Variants in NEURL4 observed in about 807,000 individuals in gnomAD.
The protein encoded by NEURL4 is neuralized E3 ubiquitin protein ligase 4, also known as neuralized-like protein 4.
Under a neutral mutation model 148.0 loss-of-function variants are expected in NEURL4, and 45 were observed. The observed-to-expected ratio is 0.30, with a 90% CI of 0.24 to 0.39. The LOEUF (loss-of-function observed/expected upper bound fraction) is 0.39. Ranked by LOEUF, NEURL4 falls within the 10% of genes least tolerant of loss-of-function variation. The pLI is 1.00. For missense variants in NEURL4, 1,776 were observed against 2,144.0 expected, an observed-to-expected ratio of 0.83 and a Z score of 3.39; for synonymous variants, 854 against 869.0, an observed-to-expected ratio of 0.98 and a Z score of 0.30.
chr17:7,323,815 G>A lies in NEURL4; in HGVS notation c.2260C>T (p.Arg754Trp), dbSNP rs1218130820. Residue 754 changes from arginine to tryptophan, a missense_variant and splice_region_variant, in exon 12 of 29, where the codon CGG (arginine) becomes TGG (tryptophan). By Grantham distance (101) the Arg-to-Trp change is moderately radical (BLOSUM62 -3). Coordinates refer to ENST00000399464, the MANE Select transcript of NEURL4 (RefSeq NM_032442.3). ...EFNDAIVISN[R>W]ALRDGELFEI... ...GGACATGAAAGTTGAGAGACTGACC[G>A]GTTGGAGATGACGATGGCGTCATTA... is the stretch of plus-strand genomic sequence containing the variant. The A allele has an allele frequency of 7.4e-6, 12 of 1,614,018 alleles. No homozygotes were observed. Among genetic ancestry groups the A allele is most frequent in the East Asian group, 2.2e-5 (1 of 44,894 alleles).
intron 7 of NEURL4, 33 bp from the exon 8 acceptor site, chr17:7,325,506 G>A: frequency 3.1e-6 from 5 of 1,605,102 alleles, no homozygotes; most frequent in Non-Finnish European, 4.2e-6. Context: ...TGTGGGAGTG[G>A]ACAGGGAGAA....
rs1389144279 is a variant in NEURL4 at position 7,327,538 on chromosome 17, C to A, written c.629G>T (p.Gly210Val). Residue 210 changes from glycine (G) to valine (V), a missense_variant, in exon 2 of 29, where the codon GGC (glycine) becomes GTC (valine). Coordinates refer to ENST00000399464, the MANE Select transcript of NEURL4 (RefSeq NM_032442.3). This position sits in a 1 kb window ranked among gnomAD's most constrained non-coding sequence, Gnocchi z 6.6. ...GGGGATGGGAGTAGGGGGGCTGAAGCCTGGCTCAGGGGGTAGCACGGTGAT... is the reference window on the plus strand; with the variant it reads ...GGGGATGGGAGTAGGGGGGCTGAAGACTGGCTCAGGGGGTAGCACGGTGAT... ...TQITVLPPEP[G>V]FSPPTPIPTP... 6.2e-7 allele frequency: 1 copy of A among 1,608,772 alleles called. No homozygotes were observed. Among genetic ancestry groups the A allele is most frequent in the South Asian group, 1.1e-5 (1 of 90,624 alleles).
Position 7,329,304 on chromosome 17 carries a change from T to C in NEURL4, c.9A>G (p.Ala3=). 1 of 1,254,464 alleles carries C rather than the reference T, an allele frequency of 8.0e-7. No individual in the cohort carries two copies. The highest frequency in any genetic ancestry group is 1.0e-6 in the Non-Finnish European group (1 of 1,000,422). The allele number at this position is 1,254,464 out of a possible 1,614,324, so 77.7% of individuals were successfully genotyped here. Reference sequence around the variant, plus strand: ...CAGAGCCCCCACTCCCACCCGACCCTGCCGCCATCTCCGCTGACACCGGGG... The same window carrying C: ...CAGAGCCCCCACTCCCACCCGACCCCGCCGCCATCTCCGCTGACACCGGGG... MA[A]GSGGSGGSGG... The change falls in exon 1 of 29, where the codon GCA becomes GCG. Residue 3 remains alanine (A), a synonymous_variant. Transcript: ENST00000399464.
Position 7,323,669 on chromosome 17 carries a change from G to A in NEURL4, c.2316C>T (p.Arg772=), listed in dbSNP as rs754633820. The change falls in exon 13 of 29, where the codon CGC becomes CGT. Residue 772 remains arginine, a synonymous_variant. Transcript: ENST00000399464. ...FEIVIQKMVD[R]WSGSIEAGVT... ...CACCAGCCTCAATGGAGCCTGACCA[G>A]CGGTCCACCATCTTCTGAATGACAA... 1.2e-6 allele frequency: 2 copies of A among 1,613,676 alleles called. No homozygotes were observed. Among genetic ancestry groups the A allele is most frequent in the South Asian group, 1.1e-5 (1 of 91,044 alleles).
At chr17:7,320,065 C>T (rs1388274632) in intron 21 of NEURL4, among the ~76,000 whole-genome samples, 2 of 151,846 alleles carry the variant, frequency 1.3e-5, no homozygotes, top group Non-Finnish European at 2.9e-5. Flanking sequence ...CTCCTGATCT[C>T]GTGATCTGCC....
Position 7,329,301 on chromosome 17 carries a change from C to T in NEURL4, c.12G>A (p.Gly4=), listed in dbSNP as rs55671016. ...CCCCAGAGCCCCCACTCCCACCCGA[C>T]CCTGCCGCCATCTCCGCTGACACCG... MAA[G]SGGSGGSGGG... The change falls in exon 1 of 29, where the codon GGG becomes GGA. Residue 4 remains glycine, a synonymous_variant. Coordinates refer to ENST00000399464, the MANE Select transcript of NEURL4 (RefSeq NM_032442.3). 430 of 1,403,180 alleles carry T rather than the reference C, an allele frequency of 3.1e-4. No individual in the cohort carries two copies. The African/African-American group carries it at 5.0e-3, about 16-fold the overall frequency. 86.9% of individuals were successfully genotyped at this position (1,403,180 alleles called of 1,614,324 possible). A position where few individuals can be genotyped will look rare whatever the true frequency, so the allele number is the denominator to read the frequency against.
rs764701441 is a variant in NEURL4 at position 7,322,730 on chromosome 17, C to T, written c.2725+5G>A. ...GCCCGTCCAGCCCCCGCCCTGCTGC[C>T]GCACCTGGGGAGTGCAGTGGGAAGG... On this transcript the variant is annotated splice_donor_5th_base_variant and intron_variant, in intron 16 of 28. Transcript: ENST00000399464. The surrounding 1 kb of genome is among the most constrained non-coding windows in gnomAD (Gnocchi z 5.5). 1.5e-5 allele frequency: 24 copies of T among 1,610,066 alleles called. No homozygotes were observed. The East Asian group carries it at 2.5e-4, about 16-fold the overall frequency.
chr17:7,324,898 T>C lies in NEURL4; in HGVS notation c.1714A>G (p.Lys572Glu). 1 of 1,614,182 alleles carries C rather than the reference T, an allele frequency of 6.2e-7. No homozygotes were observed. The highest frequency in any genetic ancestry group is 8.5e-7 in the Non-Finnish European group (1 of 1,180,022). The change falls in exon 9 of 29, where the codon AAG becomes GAG. Residue 572 changes from lysine to glutamate, a missense_variant. Lys to Glu is a moderately conservative substitution (Grantham distance 56, BLOSUM62 1). Transcript: ENST00000399464. This position sits in a 1 kb window ranked among gnomAD's most constrained non-coding sequence, Gnocchi z 5.9. Reference sequence around the variant, plus strand: ...GAGCCAGCCCATTTGTCCACCATCTTGTCGATGCGCACCTGGAACACCTCT... The same window carrying C: ...GAGCCAGCCCATTTGTCCACCATCTCGTCGATGCGCACCTGGAACACCTCT... ...DGEVFQVRID[K>E]MVDKWAGSIE...
chr17:7,326,698 G>A lies in NEURL4; in HGVS notation c.1092+13C>T. On this transcript the variant is annotated intron_variant, in intron 4 of 28. Coordinates refer to ENST00000399464, the MANE Select transcript of NEURL4 (RefSeq NM_032442.3). The surrounding 1 kb of genome is among the most constrained non-coding windows in gnomAD (Gnocchi z 6.0). ...GGGATAAGGCGCCAACCAGACCACAGGACTTTGCACACCTCAAACATCTCA... is the reference window on the plus strand; with the variant it reads ...GGGATAAGGCGCCAACCAGACCACAAGACTTTGCACACCTCAAACATCTCA... The A allele has an allele frequency of 6.2e-7, 1 of 1,608,846 alleles. No individual in the cohort carries two copies. Among genetic ancestry groups the A allele is most frequent in the Non-Finnish European group, 8.5e-7 (1 of 1,177,912 alleles).
chr17:7,327,550 G>T lies in NEURL4; in HGVS notation c.617C>A (p.Pro206His). 6.2e-7 allele frequency: 1 copy of T among 1,610,434 alleles called. No individual in the cohort carries two copies. The highest frequency in any genetic ancestry group is 1.7e-5 in the Admixed American group (1 of 59,892). Residue 206 changes from proline to histidine, a missense_variant, in exon 2 of 29, where the codon CCC becomes CAC. By Grantham distance (77) the Pro-to-His change is moderately conservative (BLOSUM62 -2). Transcript: ENST00000399464. This position sits in a 1 kb window ranked among gnomAD's most constrained non-coding sequence, Gnocchi z 6.6. ...YGKCTQITVLPPEPGFSPPTP... is the reference protein window; with the variant it reads ...YGKCTQITVLHPEPGFSPPTP... ...AGGGGGGCTGAAGCCTGGCTCAGGG[G>T]GTAGCACGGTGATCTGGGTGCACTT...
In NEURL4 at chr17:7,317,271, G is replaced by A; in HGVS notation, c.4418C>T (p.Pro1473Leu). 2 of 1,525,100 alleles carry A rather than the reference G, an allele frequency of 1.3e-6. No individual in the cohort carries two copies. The highest frequency in any genetic ancestry group is 1.8e-6 in the Non-Finnish European group (2 of 1,138,138). The allele number at this position is 1,525,100 out of a possible 1,614,324, so 94.5% of individuals were successfully genotyped here. Residue 1473 changes from proline (P) to leucine (L), a missense_variant, in exon 28 of 29, where the codon CCC becomes CTC. By Grantham distance (98) the Pro-to-Leu change is moderately conservative. Coordinates refer to ENST00000399464, the MANE Select transcript of NEURL4 (RefSeq NM_032442.3). ...GGAGGGGGAAAGCAGCACAGGAGGG[G>A]GCTGCTCCTCCCGAGGAGGTGCACA... is the stretch of plus-strand genomic sequence containing the variant. ...ENCAPPREEQPPPVLLSPSLQ... is the reference protein window; with the variant it reads ...ENCAPPREEQLPPVLLSPSLQ...
chr17:7,325,147 C>CG, intron 8 of NEURL4, 62 bp downstream of exon 8: 1 of 426,898 alleles, frequency 2.3e-6, no homozygotes, highest in Non-Finnish European at 4.2e-6. Context: ...ACTTCCTTGC[C>CG]CCGCCCCCCC....
Position 7,327,243 on chromosome 17 carries a change from T to C in NEURL4, c.728-13A>G. ...GACACCATGAAGGCTGGGGACCAGG[T>C]GGGATGGGAGGGGAATAAGGGTTCA... On this transcript the variant is annotated splice_polypyrimidine_tract_variant and intron_variant, in intron 2 of 28. Coordinates refer to ENST00000399464, the MANE Select transcript of NEURL4 (RefSeq NM_032442.3). The surrounding 1 kb of genome is among the most constrained non-coding windows in gnomAD (Gnocchi z 6.6). 1 of 1,602,880 alleles carries C rather than the reference T, an allele frequency of 6.2e-7. No homozygotes were observed. The highest frequency in any genetic ancestry group is 8.5e-7 in the Non-Finnish European group (1 of 1,175,786).
chr17:7,324,326 G>A lies in NEURL4; in HGVS notation c.1900-56C>T, dbSNP rs1314433292. ...TCAGGCAGAGTTCCTGCCGGGGCTG[G>A]TCCTGCATCAGCCCCGCGGTGTTTG... On this transcript the variant is annotated intron_variant, in intron 10 of 28. Coordinates refer to ENST00000399464, the MANE Select transcript of NEURL4 (RefSeq NM_032442.3). This position sits in a 1 kb window ranked among gnomAD's most constrained non-coding sequence, Gnocchi z 5.9. 2 of 1,613,588 alleles carry A rather than the reference G, an allele frequency of 1.2e-6. No individual in the cohort carries two copies. Among genetic ancestry groups the A allele is most frequent in the Non-Finnish European group, 1.7e-6 (2 of 1,179,708 alleles).
Position 7,325,202 on chromosome 17 carries a change from G to A in NEURL4, c.1631+7C>T. On this transcript the variant is annotated splice_region_variant and intron_variant, in intron 8 of 28. Coordinates refer to ENST00000399464, the MANE Select transcript of NEURL4 (RefSeq NM_032442.3). ...CTTCAGGCTTCTCCCCACCCCATGG[G>A]CCATACTGGGGCCTCAGGGCAGTGC... is the stretch of plus-strand genomic sequence containing the variant. 1.4e-6 allele frequency: 2 copies of A among 1,401,156 alleles called. No individual in the cohort carries two copies. The highest frequency in any genetic ancestry group is 1.2e-5 in the South Asian group (1 of 85,318). The allele number at this position is 1,401,156 out of a possible 1,614,324, so 86.8% of individuals were successfully genotyped here.
intron 28 of NEURL4, among the ~76,000 whole-genome samples, chr17:7,316,644 T>C (rs1403336331): frequency 3.9e-5 from 6 of 152,146 alleles, no homozygotes; most frequent in Admixed American, 1.3e-4. Context: ...TACTAAATAC[T>C]GGCGGGGCGC....
Position 7,319,078 on chromosome 17 carries a change from C to T in NEURL4, c.3656G>A (p.Gly1219Asp). 6.2e-7 allele frequency: 1 copy of T among 1,613,684 alleles called. No individual in the cohort carries two copies. The highest frequency in any genetic ancestry group is 8.5e-7 in the Non-Finnish European group (1 of 1,179,820). ...ALKRAAWLLR[G>D]RGVFHNGLKI... is the part of the protein sequence containing the mutation. ...GAGACCGTTGTGGAAGACCCCACGG[C>T]CCCGCAGCAGCCAGGCTGCCCGTTT... is the stretch of plus-strand genomic sequence containing the variant. Residue 1219 changes from glycine (G) to aspartate (D), a missense_variant, in exon 22 of 29, where the codon GGC becomes GAC. Gly to Asp is a moderately conservative substitution (Grantham distance 94). Coordinates refer to ENST00000399464, the MANE Select transcript of NEURL4 (RefSeq NM_032442.3).
Position 7,326,676 on chromosome 17 carries a change from A to G in NEURL4, c.1092+35T>C. ...CAATCCCCATCTTTAGCTCCCAGGG[A>G]TAAGGCGCCAACCAGACCACAGGAC... On this transcript the variant is annotated intron_variant, in intron 4 of 28. Transcript: ENST00000399464. The surrounding 1 kb of genome is among the most constrained non-coding windows in gnomAD (Gnocchi z 6.0). 1 of 1,604,776 alleles carries G rather than the reference A, an allele frequency of 6.2e-7. No homozygotes were observed. Among genetic ancestry groups the G allele is most frequent in the African/African-American group, 1.3e-5 (1 of 74,426 alleles).
chr17:7,316,269 C>G lies in NEURL4; in HGVS notation c.4543G>C (p.Val1515Leu). 6.2e-7 allele frequency: 1 copy of G among 1,613,628 alleles called. No homozygotes were observed. Among genetic ancestry groups the G allele is most frequent in the Non-Finnish European group, 8.5e-7 (1 of 1,179,970 alleles). ...CCCGGGGTGTAGGAGCCAGGGCGCACACACACCTGGAACGCCACCTGAGCC... is the reference window on the plus strand; with the variant it reads ...CCCGGGGTGTAGGAGCCAGGGCGCAGACACACCTGGAACGCCACCTGAGCC... ...HQAQVAFQVCVRPGSYTPGPP... is the reference protein window; with the variant it reads ...HQAQVAFQVCLRPGSYTPGPP... The change falls in exon 29 of 29, where the codon GTG (valine) becomes CTG (leucine). Residue 1515 changes from valine (V) to leucine (L), a missense_variant. By Grantham distance (32) the Val-to-Leu change is conservative. Transcript: ENST00000399464.
Sources: allele counts gnomAD v4.1 joint callset (sites outside exome capture counted in the v4.1 genomes callset), GRCh38; gene constraint gnomAD v4.1.1; non-coding constraint Gnocchi (gnomAD v3.1); transcripts MANE v1.5; gene names NCBI Gene and HGNC (gene_info 2026-07-23, HGNC 2026-07-21).